The following PRKG1 variants were observed in gnomAD, a reference collection of about 807,000 sequenced individuals.
The protein encoded by PRKG1 is cGMP-dependent protein kinase 1.
A neutral mutation model predicts 88.1 loss-of-function variants in PRKG1; 35 were observed. The ratio of observed to expected loss-of-function variants is 0.40; its 90% CI spans 0.30 to 0.53. The LOEUF is 0.53. Among genes scored for constraint, PRKG1 ranks in the 20% least tolerant of loss-of-function variants. The probability of loss-of-function intolerance (pLI) is 0.59; values close to 1 mark genes in which losing one functional copy is unlikely to be tolerated. For synonymous variants in PRKG1, 303 were observed against 292.5 expected (o/e 1.04, Z -0.37); for missense variants, 540 against 839.8 (o/e 0.64, Z 4.41).
chr10:52,251,925 A>G (rs765975620), intron 10 of PRKG1: 1 of 301,548 alleles, frequency 3.3e-6, no homozygotes, highest in Non-Finnish European at 6.1e-6. Context: ...AGGTAAACAC[A>G]TTTACTTAAA....
At chr10:51,684,500 TA>T (rs1206220529) in intron 3 of PRKG1, among the ~76,000 whole-genome samples, 2 of 152,026 alleles carry the variant, frequency 1.3e-5, no homozygotes, top group African/African-American at 4.8e-5. Flanking sequence ...ATAAAAATGT[TA>T]AAAAAAGACA....
At chr10:51,602,732 A>ATGTGTGTGTGTGTG (rs4041278) in intron 3 of PRKG1, among the ~76,000 whole-genome samples, 28 of 128,876 alleles carry the variant, frequency 2.2e-4, no homozygotes, top group African/African-American at 9.5e-4. Flanking sequence ...ATTAATATAT[A>ATGTGTGTGTGTGTG]TGTGTGTGTG....
intron 7 of PRKG1, among the ~76,000 whole-genome samples, chr10:52,096,145 CG>C (rs1361174107): frequency 6.6e-5 from 10 of 152,122 alleles, no homozygotes; most frequent in Non-Finnish European, 4.4e-5. Flanking sequence ...GTCACTGATA[CG>C]TTTTGTACTC....
chr10:51,698,084 G>C lies in PRKG1; in HGVS notation c.593-106501G>C. ...GCCTGGGACCTGTCTGGGTCCCTGA[G>C]GAGGGCCACCTGCCCCTATATTAAT... is the stretch of plus-strand genomic sequence containing the variant. On this transcript the variant is annotated intron_variant, in intron 3 of 17. Transcript: ENST00000373980. The C allele has an allele frequency of 1.9e-6, 3 of 1,614,020 alleles. No individual in the cohort carries two copies. In the East Asian group the frequency reaches 6.7e-5, roughly 36 times the overall value.
At chr10:51,811,106 G>T (rs1040693652) in intron 4 of PRKG1, among the ~76,000 whole-genome samples, 63 of 152,062 alleles carry the variant, frequency 4.1e-4, no homozygotes, top group Admixed American at 3.0e-3. Context: ...TAAAACTCAG[G>T]TTTCTGAATC....
chr10:51,432,622 G>C (rs1012960427), intron 2 of PRKG1, among the ~76,000 whole-genome samples: 1 of 152,108 alleles, frequency 6.6e-6, no homozygotes, highest in African/African-American at 2.4e-5. Context: ...GCTGGAAAAT[G>C]GCTGGGGAAG....
intron 8 of PRKG1, among the ~76,000 whole-genome samples, chr10:52,160,452 C>T (rs1224189807): frequency 6.6e-6 from 1 of 151,624 alleles, no homozygotes; most frequent in Non-Finnish European, 1.5e-5. Context: ...CTTGATTCCC[C>T]GTGTCTCTGT....
At chr10:52,187,220 G>A (rs1052837703) in intron 9 of PRKG1, among the ~76,000 whole-genome samples, 3 of 152,084 alleles carry the variant, frequency 2.0e-5, no homozygotes, top group African/African-American at 7.2e-5. Context: ...CTGAAGCTGG[G>A]AAAATACTTC....
intron 2 of PRKG1, among the ~76,000 whole-genome samples, chr10:51,402,230 CTTA>C (rs1296583587): frequency 6.6e-6 from 1 of 152,182 alleles, no homozygotes; most frequent in Non-Finnish European, 1.5e-5. Flanking sequence ...TCTTCATTCA[CTTA>C]TTATGCTATA....
At chr10:51,064,820 TC>T (rs1322615007) in intron 1 of PRKG1, among the ~76,000 whole-genome samples, 2 of 152,082 alleles carry the variant, frequency 1.3e-5, no homozygotes, top group Non-Finnish European at 2.9e-5. Context: ...ACTTTCATAT[TC>T]AATTGATTGT....
chr10:51,372,224 G>GT (rs1380943009), intron 2 of PRKG1, among the ~76,000 whole-genome samples: 11 of 151,996 alleles, frequency 7.2e-5, no homozygotes, highest in Non-Finnish European at 1.5e-4. Context: ...AAGGTTTATC[G>GT]TTTTTTATAT....
At chr10:51,508,721 A>G (rs376279014) in intron 3 of PRKG1, among the ~76,000 whole-genome samples, 2 of 152,052 alleles carry the variant, frequency 1.3e-5, no homozygotes, top group Non-Finnish European at 2.9e-5. Context: ...TTCCCTTCCA[A>G]TTCTGTTCTG....
intron 2 of PRKG1, among the ~76,000 whole-genome samples, chr10:51,232,229 T>C (rs995180425): frequency 6.6e-6 from 1 of 152,202 alleles, no homozygotes; most frequent in Non-Finnish European, 1.5e-5. Context: ...TTTGTGACAA[T>C]GTACTTCAGC....
chr10:52,082,674 C>T (rs763181733), intron 7 of PRKG1, among the ~76,000 whole-genome samples: 12 of 152,148 alleles, frequency 7.9e-5, no homozygotes, highest in South Asian at 2.1e-4. Context: ...TTCTGCCTTC[C>T]GAAAGCACAC....
intron 1 of PRKG1, among the ~76,000 whole-genome samples, chr10:51,078,959 A>G (rs1844038479): frequency 6.6e-6 from 1 of 152,122 alleles, no homozygotes; most frequent in African/African-American, 2.4e-5. Context: ...AGATTATTTA[A>G]TCTTTTAAAC....
intron 2 of PRKG1, among the ~76,000 whole-genome samples, chr10:51,419,124 A>G (rs1564486774): frequency 1.3e-5 from 2 of 152,178 alleles, no homozygotes; most frequent in Non-Finnish European, 2.9e-5. Context: ...AAAGTCATGT[A>G]TTGTGATTTT....
chr10:51,604,747 G>A (rs1191898547), intron 3 of PRKG1, among the ~76,000 whole-genome samples: 1 of 152,240 alleles, frequency 6.6e-6, no homozygotes, highest in Non-Finnish European at 1.5e-5. Flanking sequence ...AGACAGGCAG[G>A]TGCAGAGGCC....
chr10:51,536,923 A>G (rs1289250901), intron 3 of PRKG1, among the ~76,000 whole-genome samples: 8 of 151,066 alleles, frequency 5.3e-5, no homozygotes, highest in African/African-American at 1.9e-4. Context: ...TCCTTGCGAT[A>G]GTTTACTGAG....
At chr10:51,525,985 A>G (rs1213222401) in intron 3 of PRKG1, among the ~76,000 whole-genome samples, 2 of 152,032 alleles carry the variant, frequency 1.3e-5, no homozygotes, top group Admixed American at 6.6e-5. Flanking sequence ...ATGTCCAGCT[A>G]ATTTTTGTAT....
Sources: gnomAD v4.1 joint callset for allele counts (sites outside exome capture counted in the v4.1 genomes callset) on GRCh38, gnomAD v4.1.1 for gene constraint, MANE v1.5 for transcripts, NCBI Gene and HGNC (gene_info 2026-07-23, HGNC 2026-07-21) for gene names.